Variants in SRGAP1 observed in about 807,000 individuals in gnomAD.
SRGAP1 encodes SLIT-ROBO Rho GTPase activating protein 1.
In SRGAP1, 43 loss-of-function variants were observed where a neutral mutation model predicts 121.9. The ratio of observed to expected loss-of-function variants is 0.35; its 90% CI spans 0.28 to 0.46. SRGAP1 has a LOEUF of 0.46. Among genes scored for constraint, SRGAP1 ranks in the 20% least tolerant of loss-of-function variants. The pLI, the probability that SRGAP1 is intolerant of heterozygous loss-of-function variation, is 1.00. For synonymous variants in SRGAP1, 447 were observed against 485.4 expected (o/e 0.92, Z 1.04); for missense variants, 1,102 against 1,350.9 (o/e 0.82, Z 2.89).
intron 4 of SRGAP1, among the ~76,000 whole-genome samples, chr12:64,039,481 C>G (rs1011958642): frequency 6.6e-6 from 1 of 152,082 alleles, no homozygotes; most frequent in Non-Finnish European, 1.5e-5. Context: ...GTCAGAAGTT[C>G]AGATTTTTTC....
chr12:64,012,551 C>CTTTTTTTTTTTTTTTTTTTTTT (rs386376760), intron 3 of SRGAP1, among the ~76,000 whole-genome samples: 1 of 77,662 alleles, frequency 1.3e-5, no homozygotes, highest in Non-Finnish European at 2.3e-5. Context: ...AAGTTATTAT[C>CTTTTTTTTTTTTTTTTTTTTTT]TTTTTTTTTT....
At chr12:64,091,038 C>T (rs796558117) in intron 11 of SRGAP1, among the ~76,000 whole-genome samples, 12 of 152,142 alleles carry the variant, frequency 7.9e-5, no homozygotes, top group African/African-American at 2.7e-4. Context: ...AACCAGCAAA[C>T]AAACAAATGT....
At chr12:63,845,073 A>T (rs535771502) in intron 1 of SRGAP1, among the ~76,000 whole-genome samples, 190 bp downstream of exon 1, 1 of 152,090 alleles carries the variant, frequency 6.6e-6, no homozygotes, top group South Asian at 2.1e-4. Flanking sequence ...CGTCAAACCC[A>T]CGGGGAGCTG....
chr12:63,931,044 T>C (rs2031458947), intron 1 of SRGAP1, among the ~76,000 whole-genome samples: 1 of 152,196 alleles, frequency 6.6e-6, no homozygotes, highest in Non-Finnish European at 1.5e-5. Context: ...CTTTTGTTTT[T>C]AAGTGAGAAA....
intron 1 of SRGAP1, among the ~76,000 whole-genome samples, chr12:63,856,235 A>G (rs542376368): frequency 6.6e-6 from 1 of 151,914 alleles, no homozygotes; most frequent in South Asian, 2.1e-4. Flanking sequence ...CTGGGCAACA[A>G]GAGCGAAACT....
At chr12:63,918,711 C>T (rs1462325222) in intron 1 of SRGAP1, among the ~76,000 whole-genome samples, 1 of 152,232 alleles carries the variant, frequency 6.6e-6, no homozygotes, top group African/African-American at 2.4e-5. Flanking sequence ...GCCGTTGCAC[C>T]AGCCAGTGCT....
In SRGAP1 at chr12:64,142,652, G is replaced by A; in HGVS notation, c.3238G>A (p.Asp1080Asn). The change falls in exon 22 of 22, where the codon GAC (aspartate) becomes AAC (asparagine). Residue 1080 changes from aspartate to asparagine, a missense_variant. Asp to Asn is a conservative substitution (Grantham distance 23, BLOSUM62 1). Transcript: ENST00000355086. ...TGCCCCACCTCCCCAGGGTCCAACA[G>A]ACAAGTCATGCACAATGTAAAAACC... ...GPAPPPQGPT[D>N]KSCTM The A allele has an allele frequency of 6.2e-7, 1 of 1,613,956 alleles. No homozygotes were observed. The highest frequency in any genetic ancestry group is 1.3e-5 in the African/African-American group (1 of 74,994).
Position 63,989,995 on chromosome 12 carries a change from T to C in SRGAP1, c.349T>C (p.Leu117=). ...GAGAGAAAGCAAAGACCATGCAACCTTGAGTGACATCTATCTGAACAATGT... is the reference window on the plus strand; with the variant it reads ...GAGAGAAAGCAAAGACCATGCAACCCTGAGTGACATCTATCTGAACAATGT... ...VRRESKDHAT[L]SDIYLNNVIM... Residue 117 remains leucine (L), a synonymous_variant, in exon 3 of 22, where the codon TTG becomes CTG. Coordinates refer to ENST00000355086, the MANE Select transcript of SRGAP1 (RefSeq NM_020762.4). The C allele has an allele frequency of 6.2e-7, 1 of 1,613,874 alleles. No homozygotes were observed. The highest frequency in any genetic ancestry group is 1.1e-5 in the South Asian group (1 of 91,054).
At chr12:64,125,857 G>T in intron 18 of SRGAP1, 120 bp from the exon 19 acceptor site, 1 of 942,178 alleles carries the variant, frequency 1.1e-6, no homozygotes, top group Non-Finnish European at 1.6e-6. Flanking sequence ...TGATGACTCT[G>T]TTCAGTCTAG....
chr12:63,998,101 C>G (rs1163463224), intron 3 of SRGAP1, among the ~76,000 whole-genome samples: 1 of 152,116 alleles, frequency 6.6e-6, no homozygotes, highest in East Asian at 1.9e-4. Context: ...TTGTGACATA[C>G]TATATATTTA....
chr12:63,962,171 T>C (rs2032660900), intron 1 of SRGAP1, among the ~76,000 whole-genome samples: 1 of 152,294 alleles, frequency 6.6e-6, no homozygotes, highest in South Asian at 2.1e-4. Context: ...CTATATGGTC[T>C]TTTTTTCCAA....
chr12:63,976,442 C>T (rs764737), intron 1 of SRGAP1, among the ~76,000 whole-genome samples: 1 of 152,218 alleles, frequency 6.6e-6, no homozygotes, highest in Non-Finnish European at 1.5e-5. Flanking sequence ...CAGACTCTCA[C>T]TGCATCTTGA....
intron 4 of SRGAP1, among the ~76,000 whole-genome samples, chr12:64,029,086 G>A (rs12309491): frequency 0.035 from 5,378 of 152,220 alleles, 317 homozygotes; most frequent in African/African-American, 0.12. Flanking sequence ...CTGATTCCTG[G>A]GATGAGCCAT....
chr12:64,005,842 A>G (rs1463818359), intron 3 of SRGAP1, among the ~76,000 whole-genome samples: 4 of 152,052 alleles, frequency 2.6e-5, no homozygotes, highest in Admixed American at 6.6e-5. Context: ...TACTGAAATC[A>G]GCTTTTTCCC....
At chr12:64,103,518 G>GA (rs2136604396) in intron 15 of SRGAP1, among the ~76,000 whole-genome samples, 1 of 152,126 alleles carries the variant, frequency 6.6e-6, no homozygotes, top group Admixed American at 6.5e-5. Flanking sequence ...ATTATTTCAT[G>GA]AAAAAAGCTT....
Position 63,941,807 on chromosome 12 carries a change from A to G in SRGAP1, c.68-42140A>G, listed in dbSNP as rs77961542. Among the ~76,000 whole-genome samples, 492 of 152,304 alleles carry G rather than the reference A, an allele frequency of 3.2e-3. 5 individuals are homozygous for G. Among genetic ancestry groups the G allele is most frequent in the East Asian group, 0.02 (106 of 5,178 alleles). On this transcript the variant is annotated intron_variant, in intron 1 of 21. Coordinates refer to ENST00000355086, the MANE Select transcript of SRGAP1 (RefSeq NM_020762.4). The stretch of plus-strand genomic sequence containing the variant: ...CTTGTTCTCTGGTACAATGATGCCA[A>G]CGAGCCTGGATTCTGTTGAATAGAA...
At chr12:63,850,430 A>ATT (rs11326159) in intron 1 of SRGAP1, among the ~76,000 whole-genome samples, 2 of 145,170 alleles carry the variant, frequency 1.4e-5, no homozygotes, top group Admixed American at 6.9e-5. Flanking sequence ...AAATTGGCCA[A>ATT]TTTTTTTTTT....
chr12:63,872,498 A>G lies in SRGAP1; in HGVS notation c.67+27615A>G, dbSNP rs111745136. 3.6e-3 allele frequency among the ~76,000 whole-genome samples: 547 copies of G among 152,300 alleles called. 3 individuals are homozygous for G. The highest frequency in any genetic ancestry group is 6.7e-3 in the Non-Finnish European group (457 of 68,024). On this transcript the variant is annotated intron_variant, in intron 1 of 21. Transcript: ENST00000355086. Reference sequence around the variant, plus strand: ...GTCCTTTCTCCTTTTTTCCCTTCCAAGTAGACATAGACATGTGGTTCAACT... The same window carrying G: ...GTCCTTTCTCCTTTTTTCCCTTCCAGGTAGACATAGACATGTGGTTCAACT...
chr12:64,066,233 G>A (rs963302581), intron 8 of SRGAP1, among the ~76,000 whole-genome samples: 1 of 152,310 alleles, frequency 6.6e-6, no homozygotes, highest in East Asian at 1.9e-4. Flanking sequence ...GCAGAACTAT[G>A]TGGTCCCTTT....
Sources: gnomAD v4.1 joint callset for allele counts (sites outside exome capture counted in the v4.1 genomes callset) on GRCh38, gnomAD v4.1.1 for gene constraint, MANE v1.5 for transcripts, NCBI Gene and HGNC (gene_info 2026-07-23, HGNC 2026-07-21) for gene names.